The following MEMO1 variants were observed in gnomAD, a reference collection of about 807,000 sequenced individuals.
The protein encoded by MEMO1 is protein MEMO1.
In MEMO1, 6 loss-of-function variants were observed where a neutral mutation model predicts 45.2. The ratio of observed to expected loss-of-function variants is 0.13; its 90% CI spans 0.07 to 0.26. MEMO1 has a LOEUF of 0.26. MEMO1 is among the 10% of genes least tolerant of loss of function. MEMO1 has a pLI of 1.00. For synonymous variants in MEMO1, 78 were observed against 124.3 expected (o/e 0.63, Z 2.48); for missense variants, 184 against 370.5 (o/e 0.50, Z 4.13).
At chr2:31,920,000 T>C (rs1377252701) in intron 5 of MEMO1, among the ~76,000 whole-genome samples, 2 of 151,458 alleles carry the variant, frequency 1.3e-5, no homozygotes, top group African/African-American at 2.4e-5. Flanking sequence ...GTGAATAATT[T>C]GACTAACTGA....
intron 2 of MEMO1, among the ~76,000 whole-genome samples, chr2:31,960,444 A>C (rs1028939935): frequency 1.3e-5 from 2 of 152,214 alleles, no homozygotes; most frequent in African/African-American, 2.4e-5. Flanking sequence ...AAACACAAGC[A>C]TGAAAATAAT....
intron 2 of MEMO1, among the ~76,000 whole-genome samples, chr2:31,991,190 GA>G (rs1671899510): frequency 6.6e-6 from 1 of 152,134 alleles, no homozygotes; most frequent in Non-Finnish European, 1.5e-5. Context: ...ATAAGAAATT[GA>G]TAAAAGCAAC....
In MEMO1 at chr2:31,950,370, G is replaced by C. The variant is rs1572782819; in HGVS notation, c.62-6987C>G. Among the ~76,000 whole-genome samples, 7 of 147,788 alleles carry C rather than the reference G, an allele frequency of 4.7e-5. No homozygotes were observed. In the South Asian group the frequency reaches 1.3e-3, roughly 27 times the overall value. On this transcript the variant is annotated intron_variant, in intron 2 of 9. Coordinates refer to ENST00000404530, the MANE Select transcript of MEMO1 (RefSeq NM_001301833.4). ...AACTCCAGCCTGGGCAGCAGAGCAA[G>C]ACTCCGTCAAAAAAAAAAAACAAAA... is the stretch of plus-strand genomic sequence containing the variant.
At position 32,007,489 on chromosome 2, in the gene MEMO1, G is replaced by A. The variant is rs866908122; in HGVS notation, c.61+2698C>T. On this transcript the variant is annotated intron_variant, in intron 2 of 9. Transcript: ENST00000404530. ...TAAATGGATCTAGCATATAACAAGG[G>A]ATAAACAAAAAGAAGATATATGTGT... is the stretch of plus-strand genomic sequence containing the variant. Among the ~76,000 whole-genome samples the A allele has an allele frequency of 4.6e-5, 7 of 152,142 alleles. No individual in the cohort carries two copies. The South Asian group carries it at 1.5e-3, about 32-fold the overall frequency.
At chr2:31,993,945 C>CTTTTTTTTT (rs1558562652) in intron 2 of MEMO1, among the ~76,000 whole-genome samples, 10 of 124,606 alleles carry the variant, frequency 8.0e-5, no homozygotes, top group African/African-American at 2.8e-4. Context: ...ATCATCAATA[C>CTTTTTTTTT]TTTCTTTTTT....
At chr2:31,960,819 C>A (rs1448659694) in intron 2 of MEMO1, among the ~76,000 whole-genome samples, 2 of 152,006 alleles carry the variant, frequency 1.3e-5, no homozygotes, top group African/African-American at 2.4e-5. Context: ...CTCCTGACCT[C>A]AAGTGATCCG....
chr2:31,922,219 T>G (rs892248469), intron 4 of MEMO1, among the ~76,000 whole-genome samples: 3 of 152,272 alleles, frequency 2.0e-5, no homozygotes, highest in African/African-American at 7.2e-5. Flanking sequence ...ATGTGTGCTT[T>G]AGCAATGTAT....
At chr2:31,884,491 C>T (rs1675888898) in intron 7 of MEMO1, among the ~76,000 whole-genome samples, 1 of 152,170 alleles carries the variant, frequency 6.6e-6, no homozygotes. Context: ...CACCCTCACA[C>T]CTGAAGACAT....
At chr2:31,921,880 A>G (rs942678877) in intron 4 of MEMO1, among the ~76,000 whole-genome samples, 11 of 152,198 alleles carry the variant, frequency 7.2e-5, no homozygotes, top group African/African-American at 2.4e-4. Flanking sequence ...AGTCTAAAGA[A>G]AAGAACTGAG....
chr2:31,985,041 C>T (rs866328957), intron 2 of MEMO1, among the ~76,000 whole-genome samples: 1 of 152,072 alleles, frequency 6.6e-6, no homozygotes, highest in Non-Finnish European at 1.5e-5. Flanking sequence ...TCTTTCCAAA[C>T]TAAAAGGTCA....
chr2:31,944,304 T>C (rs748566087), intron 2 of MEMO1, among the ~76,000 whole-genome samples: 9 of 152,210 alleles, frequency 5.9e-5, no homozygotes, highest in Non-Finnish European at 1.3e-4. Flanking sequence ...TCATACCTTC[T>C]CTTTTCACCT....
intron 6 of MEMO1, among the ~76,000 whole-genome samples, chr2:31,913,603 ATAAT>A (rs976445768): frequency 4.6e-5 from 7 of 152,002 alleles, no homozygotes; most frequent in Non-Finnish European, 1.0e-4. Flanking sequence ...TTTTGGAAAA[ATAAT>A]TAAAGTACTG....
chr2:31,917,867 A>G, intron 6 of MEMO1, 59 bp downstream of exon 6: 1 of 1,195,066 alleles, frequency 8.4e-7, no homozygotes, highest in Non-Finnish European at 1.2e-6. Flanking sequence ...CTAGTTTTAA[A>G]TTACCAAAGA....
intron 2 of MEMO1, among the ~76,000 whole-genome samples, chr2:32,008,966 T>C (rs1339755625): frequency 6.6e-6 from 1 of 152,194 alleles, no homozygotes; most frequent in Non-Finnish European, 1.5e-5. Flanking sequence ...AAAGGAAACA[T>C]GATCCGATTC....
chr2:31,984,282 T>A (rs1334280531), intron 2 of MEMO1, among the ~76,000 whole-genome samples: 2 of 152,136 alleles, frequency 1.3e-5, no homozygotes, highest in Non-Finnish European at 2.9e-5. Context: ...TCATTATACC[T>A]CTGTGGTATT....
intron 3 of MEMO1, among the ~76,000 whole-genome samples, chr2:31,937,344 CA>C (rs958718753): frequency 2.0e-5 from 3 of 151,968 alleles, no homozygotes; most frequent in Admixed American, 2.0e-4. Flanking sequence ...ATGAACTAAC[CA>C]GAATGTTGCA....
intron 2 of MEMO1, among the ~76,000 whole-genome samples, chr2:31,950,708 G>A (rs1356271094): frequency 6.9e-6 from 1 of 145,338 alleles, no homozygotes; most frequent in African/African-American, 2.5e-5. Flanking sequence ...GTGACACAGT[G>A]AGACTCCATC....
At chr2:31,982,991 C>T (rs185300366) in intron 2 of MEMO1, among the ~76,000 whole-genome samples, 1 of 152,060 alleles carries the variant, frequency 6.6e-6, no homozygotes, top group Non-Finnish European at 1.5e-5. Flanking sequence ...GTAATCCCAG[C>T]ACTTTGGGAG....
chr2:31,999,882 A>ATTTT (rs5830219), intron 2 of MEMO1, among the ~76,000 whole-genome samples: 1 of 123,118 alleles, frequency 8.1e-6, no homozygotes, highest in Non-Finnish European at 1.7e-5. Context: ...TGCATCAGGC[A>ATTTT]TTTTTTTTTT....
Sources: allele counts gnomAD v4.1 joint callset (sites outside exome capture counted in the v4.1 genomes callset), GRCh38; gene constraint gnomAD v4.1.1; transcripts MANE v1.5; gene names NCBI Gene and HGNC (gene_info 2026-07-23, HGNC 2026-07-21).